RBFOX1: variants seen among roughly 807,000 people sequenced by gnomAD.
RBFOX1 encodes RNA binding fox-1 homolog 1, also known as RNA binding protein fox-1 homolog 1.
Under a neutral mutation model 57.7 loss-of-function variants are expected in RBFOX1, and 8 were observed. That is an observed-to-expected ratio of 0.14 (90% confidence interval 0.08 to 0.25). RBFOX1 has a LOEUF of 0.25. Among genes scored for constraint, RBFOX1 ranks in the 10% least tolerant of loss-of-function variants. The pLI, the probability that RBFOX1 is intolerant of heterozygous loss-of-function variation, is 1.00. For missense variants in RBFOX1, 611 were observed against 548.5 expected, an observed-to-expected ratio of 1.11 and a Z score of -1.14; for synonymous variants, 326 against 222.4, an observed-to-expected ratio of 1.47 and a Z score of -4.15.
chr16:7,228,576 A>T (rs181354404), intron 4 of RBFOX1, among the ~76,000 whole-genome samples: 2 of 152,350 alleles, frequency 1.3e-5, no homozygotes, highest in Admixed American at 1.3e-4. Context: ...GAATTTGTCC[A>T]TGGCCACACA....
At chr16:6,228,860 T>C (rs2097436667) in intron 1 of RBFOX1, among the ~76,000 whole-genome samples, 1 of 152,240 alleles carries the variant, frequency 6.6e-6, no homozygotes, top group Non-Finnish European at 1.5e-5. Flanking sequence ...GATTTAGCCA[T>C]TCCACATGTA....
chr16:7,280,396 A>G (rs2095518154), intron 4 of RBFOX1, among the ~76,000 whole-genome samples: 1 of 152,232 alleles, frequency 6.6e-6, no homozygotes, highest in South Asian at 2.1e-4. Context: ...AGACATGCAC[A>G]GTATCTGCAC....
At chr16:7,441,521 C>A (rs1036383148) in intron 4 of RBFOX1, among the ~76,000 whole-genome samples, 10 of 152,104 alleles carry the variant, frequency 6.6e-5, no homozygotes, top group African/African-American at 2.4e-4. Flanking sequence ...TGTTTCTCTC[C>A]TACTATAATA....
intron 4 of RBFOX1, among the ~76,000 whole-genome samples, chr16:6,004,851 C>A (rs184809482): frequency 6.6e-6 from 1 of 152,052 alleles, no homozygotes; most frequent in Admixed American, 6.6e-5. Context: ...CGTATTAGAC[C>A]TTAGGTGGAA....
chr16:6,970,664 T>G (rs1239407471), intron 3 of RBFOX1, among the ~76,000 whole-genome samples: 1 of 152,200 alleles, frequency 6.6e-6, no homozygotes, highest in Non-Finnish European at 1.5e-5. Flanking sequence ...TATGACCTCA[T>G]GACGTAATCA....
At position 7,376,150 on chromosome 16, in the gene RBFOX1, G is replaced by T. The variant is rs537341136; in HGVS notation, c.28-141997G>T. On this transcript the variant is annotated intron_variant, in intron 4 of 15. Coordinates refer to ENST00000550418, the MANE Select transcript of RBFOX1 (RefSeq NM_018723.4). ...TACAAATATTTAGTAAGCAAGGGAT[G>T]ATTGCATTTTTGGAACATATATGTT... is the stretch of plus-strand genomic sequence containing the variant. Among the ~76,000 whole-genome samples the T allele has an allele frequency of 1.5e-3, 232 of 152,316 alleles. 1 individual carries two copies. Among genetic ancestry groups the T allele is most frequent in the South Asian group, 7.5e-3 (36 of 4,828 alleles).
chr16:5,950,901 A>G (rs900852770), intron 4 of RBFOX1, among the ~76,000 whole-genome samples: 4 of 152,160 alleles, frequency 2.6e-5, no homozygotes, highest in African/African-American at 7.2e-5. Flanking sequence ...GGGGAGGGGC[A>G]TCCAACCCAG....
intron 1 of RBFOX1, among the ~76,000 whole-genome samples, chr16:6,248,855 C>G (rs146343609): frequency 2.6e-5 from 4 of 152,248 alleles, no homozygotes; most frequent in African/African-American, 9.6e-5. Flanking sequence ...TACGTCAACA[C>G]ATGAAAAGAG....
chr16:6,736,443 T>C (rs1295740664), intron 3 of RBFOX1, among the ~76,000 whole-genome samples: 1 of 152,126 alleles, frequency 6.6e-6, no homozygotes, highest in African/African-American at 2.4e-5. Context: ...TCACTTAGAG[T>C]AATAGTCTCT....
Position 7,183,513 on chromosome 16 carries a change from T to C in RBFOX1, c.27+131415T>C, listed in dbSNP as rs559367185. ...AATTTTAGCTATAAGAGATGCTTTA[T>C]CTATTTTTTCTTTACTTTGTCAATA... On this transcript the variant is annotated intron_variant, in intron 4 of 15. Transcript: ENST00000550418. Among the ~76,000 whole-genome samples the C allele has an allele frequency of 1.7e-3, 266 of 152,348 alleles. 1 individual carries two copies. The highest frequency in any genetic ancestry group is 6.1e-3 in the African/African-American group (254 of 41,580).
chr16:7,087,608 G>C (rs1196894790), intron 4 of RBFOX1, among the ~76,000 whole-genome samples: 1 of 152,016 alleles, frequency 6.6e-6, no homozygotes, highest in Non-Finnish European at 1.5e-5. Flanking sequence ...GAGGGAGAGA[G>C]AGAGAGGCAG....
chr16:6,560,223 G>A (rs562099782), intron 2 of RBFOX1, among the ~76,000 whole-genome samples: 55 of 147,558 alleles, frequency 3.7e-4, no homozygotes, highest in African/African-American at 1.3e-3. Context: ...CAATATTCTA[G>A]TTGGGGGGAA....
chr16:7,439,693 C>A (rs2098750844), intron 4 of RBFOX1, among the ~76,000 whole-genome samples: 1 of 152,216 alleles, frequency 6.6e-6, no homozygotes, highest in African/African-American at 2.4e-5. Context: ...CATGCAAGTG[C>A]TGTCTCATTT....
intron 3 of RBFOX1, among the ~76,000 whole-genome samples, chr16:6,929,175 G>T (rs2076113066): frequency 6.6e-6 from 1 of 152,074 alleles, no homozygotes; most frequent in Non-Finnish European, 1.5e-5. Context: ...TACCTTCAGA[G>T]CAAACACATT....
intron 2 of RBFOX1, among the ~76,000 whole-genome samples, chr16:6,414,281 A>G (rs1409871163): frequency 6.6e-6 from 1 of 152,234 alleles, no homozygotes; most frequent in Non-Finnish European, 1.5e-5. Flanking sequence ...GTACTTGTGT[A>G]TGTAGACATA....
chr16:5,649,030 C>G (rs189880417), intron 3 of RBFOX1, among the ~76,000 whole-genome samples: 35 of 151,882 alleles, frequency 2.3e-4, no homozygotes, highest in African/African-American at 7.7e-4. Flanking sequence ...TGCCACTGCA[C>G]TCCAGCCTGA....
intron 2 of RBFOX1, among the ~76,000 whole-genome samples, chr16:6,601,635 G>A (rs146244817): frequency 3.3e-5 from 5 of 152,112 alleles, no homozygotes; most frequent in East Asian, 1.9e-4. Flanking sequence ...GGACTAGCTC[G>A]CTCAGGAACT....
At chr16:6,579,672 A>T (rs1383134698) in intron 2 of RBFOX1, among the ~76,000 whole-genome samples, 2 of 152,186 alleles carry the variant, frequency 1.3e-5, no homozygotes, top group Admixed American at 1.3e-4. Context: ...TGAGTCAGTT[A>T]TACCTCTTTC....
intron 4 of RBFOX1, among the ~76,000 whole-genome samples, chr16:7,091,742 T>A (rs568309462): frequency 6.6e-6 from 1 of 152,334 alleles, no homozygotes; most frequent in South Asian, 2.1e-4. Context: ...CTCTGAATTC[T>A]GCATTTTCTT....
Sources: gnomAD v4.1 joint callset for allele counts (sites outside exome capture counted in the v4.1 genomes callset) on GRCh38, gnomAD v4.1.1 for gene constraint, MANE v1.5 for transcripts, NCBI Gene and HGNC (gene_info 2026-07-23, HGNC 2026-07-21) for gene names.